The following SDK1 variants were observed in gnomAD, a reference collection of about 807,000 sequenced individuals.
SDK1 encodes the protein sidekick cell adhesion molecule 1.
Under a neutral mutation model 245.5 loss-of-function variants are expected in SDK1, and 157 were observed. The observed-to-expected ratio is 0.64, with a 90% CI of 0.56 to 0.73. SDK1 has a LOEUF of 0.73. SDK1 is among the 30% of genes least tolerant of loss of function. The probability of loss-of-function intolerance (pLI) is 0.00; values close to 1 mark genes in which losing one functional copy is unlikely to be tolerated. For missense variants in SDK1, 3,583 were observed against 3,002.3 expected (o/e 1.19, Z -4.52); for synonymous variants, 1,647 against 1,278.5 (o/e 1.29, Z -6.15).
At chr7:3,406,894 A>G (rs1272889367) in intron 1 of SDK1, among the ~76,000 whole-genome samples, 1 of 152,108 alleles carries the variant, frequency 6.6e-6, no homozygotes, top group African/African-American at 2.4e-5. Flanking sequence ...TACATTTGTA[A>G]TGTAAGCAGT....
At chr7:3,549,999 G>A (rs559244975) in intron 1 of SDK1, among the ~76,000 whole-genome samples, 1 of 152,082 alleles carries the variant, frequency 6.6e-6, no homozygotes, top group Non-Finnish European at 1.5e-5. Context: ...TTTTAAGTCT[G>A]TAATATGCCT....
In SDK1 at chr7:4,007,690, C is replaced by T. The variant is rs137997036; in HGVS notation, c.2132-3276C>T. ...CGCGGTCTCGACTCCCTACAACCTC[C>T]GCCTCCCGGGTTTCAGCAATTCTCT... is the stretch of plus-strand genomic sequence containing the variant. On this transcript the variant is annotated intron_variant, in intron 14 of 44. Transcript: ENST00000404826. Among the ~76,000 whole-genome samples the T allele has an allele frequency of 3.0e-4, 46 of 152,232 alleles. No homozygotes were observed. The East Asian group carries it at 6.2e-3, about 20-fold the overall frequency.
At chr7:4,143,977 G>A (rs1008580895) in intron 28 of SDK1, among the ~76,000 whole-genome samples, 10 of 152,310 alleles carry the variant, frequency 6.6e-5, no homozygotes, top group South Asian at 2.1e-4. Flanking sequence ...GTCAGAGTGC[G>A]GGGCGGCCAG....
chr7:3,516,049 T>C (rs963865412), intron 1 of SDK1, among the ~76,000 whole-genome samples: 2 of 152,010 alleles, frequency 1.3e-5, no homozygotes, highest in Non-Finnish European at 2.9e-5. Flanking sequence ...CTTCAATGCA[T>C]GAAGTTGAAA....
At position 3,690,449 on chromosome 7, in the gene SDK1, C is replaced by T. The variant is rs902121292; in HGVS notation, c.713+48344C>T. 2.0e-5 allele frequency among the ~76,000 whole-genome samples: 3 copies of T among 152,088 alleles called. No homozygotes were observed. In the South Asian group the frequency reaches 6.2e-4, roughly 32 times the overall value. ...TGGCAGGGATTTATCCTTTTATAATCCTTACATTGTTTCTCTTTCAAATTT... is the reference window on the plus strand; with the variant it reads ...TGGCAGGGATTTATCCTTTTATAATTCTTACATTGTTTCTCTTTCAAATTT... On this transcript the variant is annotated intron_variant, in intron 4 of 44. Coordinates refer to ENST00000404826, the MANE Select transcript of SDK1 (RefSeq NM_152744.4).
rs1785925675 is a variant in SDK1, at chr7:4,233,359, G to A, written c.5932G>A (p.Val1978Met). Residue 1978 changes from valine (V) to methionine (M), a missense_variant, in exon 41 of 45, where the codon GTG (valine) becomes ATG (methionine). By Grantham distance (21) the Val-to-Met change is conservative. Transcript: ENST00000404826. ...LRQGVTYEFR[V>M]VAVNEAGYGE... ...GCAAGGAGTGACTTACGAGTTCCGG[G>A]TGGTGGCTGTGAATGAGGCGGGCTA... The A allele has an allele frequency of 6.2e-7, 1 of 1,613,752 alleles. No homozygotes were observed. Among genetic ancestry groups the A allele is most frequent in the African/African-American group, 1.3e-5 (1 of 74,952 alleles).
intron 1 of SDK1, among the ~76,000 whole-genome samples, chr7:3,602,767 A>C (rs1357195906): frequency 6.6e-6 from 1 of 152,136 alleles, no homozygotes; most frequent in South Asian, 2.1e-4. Context: ...TATGTCCTCA[A>C]TGGTATTGCC....
At chr7:4,217,228 AC>A in intron 38 of SDK1, among the ~76,000 whole-genome samples, 1 of 107,150 alleles carries the variant, frequency 9.3e-6, no homozygotes, top group Non-Finnish European at 2.2e-5. Flanking sequence ...GCACCAGGCC[AC>A]CTGGAGCACC....
At chr7:4,010,366 T>C (rs1290065763) in intron 14 of SDK1, among the ~76,000 whole-genome samples, 3 of 152,174 alleles carry the variant, frequency 2.0e-5, no homozygotes, top group African/African-American at 7.2e-5. Context: ...GCAGAGTCCC[T>C]CTTGCACACC....
intron 20 of SDK1, among the ~76,000 whole-genome samples, chr7:4,074,884 C>CTCTCTCTCTCTCTCTCTG (rs1377225405): frequency 1.6e-4 from 10 of 62,460 alleles, no homozygotes; most frequent in African/African-American, 1.2e-3. Flanking sequence ...CTCTCTCTCT[C>CTCTCTCTCTCTCTCTCTG]TGTATATATA....
chr7:3,716,803 T>C (rs1289167039), intron 4 of SDK1, among the ~76,000 whole-genome samples: 2 of 148,342 alleles, frequency 1.3e-5, no homozygotes, highest in Admixed American at 6.7e-5. Flanking sequence ...AAAATCAAAC[T>C]AAGGAAAAAT....
At chr7:4,109,917 C>T (rs951822750) in intron 22 of SDK1, among the ~76,000 whole-genome samples, 4 of 152,134 alleles carry the variant, frequency 2.6e-5, no homozygotes, top group African/African-American at 7.2e-5. Context: ...AAAATTAGCA[C>T]GAGACAGACC....
At chr7:4,237,564 C>A (rs765541525) in intron 41 of SDK1, 83 bp from the exon 42 acceptor site, 143 of 1,537,496 alleles carry the variant, frequency 9.3e-5, no homozygotes, top group Non-Finnish European at 1.2e-4. Context: ...CCCAGCCTTC[C>A]CTGCCAACCA....
At chr7:3,672,258 G>T (rs1263001627) in intron 4 of SDK1, among the ~76,000 whole-genome samples, 3 of 152,012 alleles carry the variant, frequency 2.0e-5, no homozygotes, top group East Asian at 1.9e-4. Flanking sequence ...TACCCATCCT[G>T]TTTCTGTAGT....
At chr7:3,441,234 C>T (rs980711146) in intron 1 of SDK1, among the ~76,000 whole-genome samples, 2 of 152,014 alleles carry the variant, frequency 1.3e-5, no homozygotes, top group African/African-American at 4.8e-5. Flanking sequence ...ATAAATTAAA[C>T]TGTATCATAG....
At chr7:3,460,610 C>A (rs917745133) in intron 1 of SDK1, among the ~76,000 whole-genome samples, 2 of 152,082 alleles carry the variant, frequency 1.3e-5, no homozygotes, top group Non-Finnish European at 2.9e-5. Flanking sequence ...TGAATCTTGC[C>A]ATTTCTTTTC....
chr7:3,360,440 A>T (rs569622880), intron 1 of SDK1, among the ~76,000 whole-genome samples: 3 of 152,358 alleles, frequency 2.0e-5, no homozygotes, highest in African/African-American at 7.2e-5. Context: ...TGTCCCACTC[A>T]GATGCCAGGC....
chr7:3,511,735 AT>A (rs1453874461), intron 1 of SDK1, among the ~76,000 whole-genome samples: 1 of 152,064 alleles, frequency 6.6e-6, no homozygotes, highest in Non-Finnish European at 1.5e-5. Context: ...GAAGCAAAAA[AT>A]AAGCATACAA....
intron 4 of SDK1, among the ~76,000 whole-genome samples, chr7:3,807,952 G>C (rs1285901215): frequency 6.6e-6 from 1 of 152,068 alleles, no homozygotes; most frequent in Admixed American, 6.6e-5. Flanking sequence ...CAACACTAAG[G>C]GATGGATACA....
Sources: allele counts gnomAD v4.1 joint callset (sites outside exome capture counted in the v4.1 genomes callset), GRCh38; gene constraint gnomAD v4.1.1; transcripts MANE v1.5; gene names NCBI Gene and HGNC (gene_info 2026-07-23, HGNC 2026-07-21).